The following TDP1 variants were observed in gnomAD, a reference collection of about 807,000 sequenced individuals.
TDP1 encodes tyrosyl-DNA phosphodiesterase 1.
In TDP1, 64 loss-of-function variants were observed where a neutral mutation model predicts 81.5. The observed-to-expected ratio is 0.79, with a 90% CI of 0.64 to 0.97. The LOEUF (loss-of-function observed/expected upper bound fraction) is 0.97, where lower values mean the gene tolerates loss of function less well. TDP1 is among the 50% of genes least tolerant of loss of function. TDP1 has a pLI of 0.00. For synonymous variants in TDP1, 256 were observed against 264.3 expected (o/e 0.97, Z 0.30); for missense variants, 723 against 743.8 (o/e 0.97, Z 0.33).
chr14:90,017,483 G>A (rs778008594), intron 14 of TDP1, among the ~76,000 whole-genome samples: 9 of 152,140 alleles, frequency 5.9e-5, no homozygotes, highest in Non-Finnish European at 2.9e-5. Context: ...AGGAGGGATT[G>A]GAGGAAGCCA....
At chr14:90,020,029 G>A (rs36060110) in intron 15 of TDP1, among the ~76,000 whole-genome samples, 6,573 of 152,186 alleles carry the variant, frequency 0.043, 476 homozygotes, top group African/African-American at 0.15. Context: ...GCACCGTGTC[G>A]AACTGGTCTT....
chr14:89,959,347 G>A (rs1892056490), intron 2 of TDP1, among the ~76,000 whole-genome samples: 1 of 152,250 alleles, frequency 6.6e-6, no homozygotes, highest in Non-Finnish European at 1.5e-5. Flanking sequence ...ACTCTGAAAT[G>A]CTGGGCACCA....
intron 15 of TDP1, 44 bp downstream of exon 15, chr14:90,019,462 G>T (rs532876396): frequency 2.8e-6 from 3 of 1,067,406 alleles, no homozygotes; most frequent in South Asian, 2.5e-5. Flanking sequence ...CATGGGAGAT[G>T]AATTGGGCTT....
At chr14:90,027,216 A>T (rs1886765913) in intron 15 of TDP1, among the ~76,000 whole-genome samples, 1 of 152,060 alleles carries the variant, frequency 6.6e-6, no homozygotes, top group Admixed American at 6.6e-5. Flanking sequence ...GCCAGTGATG[A>T]TGAGCATTCC....
rs759181166 is a variant in TDP1 at position 89,991,982 on chromosome 14, C to T, written c.1432C>T (p.His478Tyr). 10 of 1,611,498 alleles carry T rather than the reference C, an allele frequency of 6.2e-6. No individual in the cohort carries two copies. In the South Asian group the frequency reaches 8.8e-5, roughly 14 times the overall value. The change falls in exon 13 of 17, where the codon CAC becomes TAC. Residue 478 changes from histidine to tyrosine, a missense_variant and splice_region_variant. Transcript: ENST00000335725. The stretch of plus-strand genomic sequence containing the variant: ...ACAGAATTGGCTGCATTCCTATTTT[C>T]AGTAAGTAATTGGTTTAGACTGCTG... ...EKQNWLHSYF[H>Y]KWSAETSGRS...
At chr14:90,019,474 G>GT in intron 15 of TDP1, 56 bp downstream of exon 15, 1 of 967,190 alleles carries the variant, frequency 1.0e-6, no homozygotes, top group Non-Finnish European at 1.7e-6. Flanking sequence ...ATTGGGCTTT[G>GT]TGTTCTCTTC....
In TDP1 at chr14:90,011,162, G is replaced by A. The variant is rs117401328; in HGVS notation, c.1542-8154G>A. Among the ~76,000 whole-genome samples, 247 of 152,292 alleles carry A rather than the reference G, an allele frequency of 1.6e-3. 12 individuals are homozygous for A. In the East Asian group the frequency reaches 0.032, roughly 20 times the overall value. Reference sequence around the variant, plus strand: ...TGCCTTTGCTCCTCCTTCGCCTGCTGCCATGATTGTGAAGCATCCCCAGCC... The same window carrying A: ...TGCCTTTGCTCCTCCTTCGCCTGCTACCATGATTGTGAAGCATCCCCAGCC... On this transcript the variant is annotated intron_variant, in intron 14 of 16. Coordinates refer to ENST00000335725, the MANE Select transcript of TDP1 (RefSeq NM_018319.4).
chr14:90,018,610 G>A (rs1885596475), intron 14 of TDP1, among the ~76,000 whole-genome samples: 1 of 152,088 alleles, frequency 6.6e-6, no homozygotes, highest in Non-Finnish European at 1.5e-5. Flanking sequence ...GTAGGTTCGC[G>A]TCACCATGCC....
chr14:89,983,243 A>C, intron 8 of TDP1: 2 of 421,654 alleles, frequency 4.7e-6, no homozygotes, highest in Non-Finnish European at 9.3e-6. Context: ...ACGGAGGCAA[A>C]GGCCCAGAGA....
intron 6 of TDP1, chr14:89,975,409 G>A (rs983551449): frequency 1.0e-6 from 1 of 985,312 alleles, no homozygotes. Flanking sequence ...TCTGAAAACT[G>A]TGTACCATTA....
intron 6 of TDP1, 77 bp downstream of exon 6, chr14:89,971,348 A>G (rs892275696): frequency 2.8e-6 from 3 of 1,058,150 alleles, no homozygotes; most frequent in African/African-American, 1.6e-5. Context: ...CCACCCTCTC[A>G]CTTAGTGCAG....
At chr14:89,996,360 C>T (rs1299993847) in intron 14 of TDP1, among the ~76,000 whole-genome samples, 2 of 152,206 alleles carry the variant, frequency 1.3e-5, no homozygotes, top group Non-Finnish European at 2.9e-5. Context: ...GGCTAGCCTC[C>T]TTTGCCCCTG....
chr14:89,964,873 A>T (rs1189650424), intron 3 of TDP1: 2 of 448,816 alleles, frequency 4.5e-6, no homozygotes, highest in Non-Finnish European at 8.9e-6. Flanking sequence ...AGTAGATGTT[A>T]CAATCGTATT....
At chr14:90,029,186 C>T (rs1013101115) in intron 15 of TDP1, among the ~76,000 whole-genome samples, 15 of 149,550 alleles carry the variant, frequency 1.0e-4, no homozygotes, top group Admixed American at 9.3e-4. Flanking sequence ...ATTTCCAGCC[C>T]TGCCATTATT....
intron 15 of TDP1, chr14:90,023,191 G>GC (rs1886287505): frequency 1.5e-6 from 1 of 681,982 alleles, no homozygotes; most frequent in African/African-American, 1.8e-5. Context: ...CATGTGGTCT[G>GC]CCCGGGGGGC....
In TDP1 at chr14:89,980,647, G is replaced by A; in HGVS notation, c.884+15G>A. 1 of 1,601,852 alleles carries A rather than the reference G, an allele frequency of 6.2e-7. No homozygotes were observed. The highest frequency in any genetic ancestry group is 1.1e-5 in the South Asian group (1 of 90,832). ...AAAACTCAAGGGTTCGTAGGGGCCT[G>A]CTCACTTCCTGGCAGTGTGTGTGTT... On this transcript the variant is annotated intron_variant, in intron 8 of 16. Transcript: ENST00000335725.
At chr14:89,974,637 A>G (rs1744171507) in intron 6 of TDP1, among the ~76,000 whole-genome samples, 1 of 152,164 alleles carries the variant, frequency 6.6e-6, no homozygotes, top group Non-Finnish European at 1.5e-5. Context: ...TAGAGTGCCT[A>G]TTGCATGCAG....
intron 5 of TDP1, among the ~76,000 whole-genome samples, chr14:89,970,339 A>T (rs1038446263): frequency 1.3e-5 from 2 of 152,112 alleles, no homozygotes; most frequent in Non-Finnish European, 2.9e-5. Context: ...TTGAAATCTA[A>T]CCACCCATTA....
chr14:90,023,023 G>C (rs369217325), intron 15 of TDP1: 4 of 762,320 alleles, frequency 5.2e-6, no homozygotes, highest in South Asian at 4.1e-5. Context: ...TGTGCCTGCT[G>C]TCTTCCAGGC....
Sources: allele counts gnomAD v4.1 joint callset (sites outside exome capture counted in the v4.1 genomes callset), GRCh38; gene constraint gnomAD v4.1.1; transcripts MANE v1.5; gene names NCBI Gene and HGNC (gene_info 2026-07-23, HGNC 2026-07-21).